The following PSMG2 variants were observed in gnomAD, a reference collection of about 807,000 sequenced individuals.
The protein encoded by PSMG2 is CD40 ligand-activated specific transcript 3.
In PSMG2, 21 loss-of-function variants were observed where a neutral mutation model predicts 31.5. The observed-to-expected ratio is 0.67, with a 90% CI of 0.47 to 0.96. The LOEUF is 0.96. Ranked by LOEUF, PSMG2 falls within the 40% of genes least tolerant of loss-of-function variation. PSMG2 has a pLI of 0.00. For missense variants in PSMG2, 318 were observed against 321.2 expected (o/e 0.99, Z 0.08); for synonymous variants, 120 against 110.4 (o/e 1.09, Z -0.54).
intron 2 of PSMG2, among the ~76,000 whole-genome samples, chr18:12,711,750 C>CT (rs34631690): frequency 0.37 from 36,510 of 97,538 alleles, 8,168 homozygotes; most frequent in East Asian, 0.48. Context: ...GCTTCTCATT[C>CT]TTTTTTTTTT....
At chr18:12,697,594 T>C (rs565890592) in intron 1 of PSMG2, among the ~76,000 whole-genome samples, 1 of 152,374 alleles carries the variant, frequency 6.6e-6, no homozygotes, top group East Asian at 1.9e-4. Context: ...TCACTAACTT[T>C]TCAGAAGACT....
chr18:12,663,913 C>T (rs1050099343), intron 1 of PSMG2, among the ~76,000 whole-genome samples: 7 of 152,132 alleles, frequency 4.6e-5, no homozygotes, highest in South Asian at 2.1e-4. Flanking sequence ...GCCTGTAATC[C>T]CAGCACTTTG....
intron 1 of PSMG2, among the ~76,000 whole-genome samples, chr18:12,694,531 G>C (rs1332894729): frequency 1.3e-5 from 2 of 152,066 alleles, no homozygotes; most frequent in Non-Finnish European, 2.9e-5. Context: ...GTGGAATTAG[G>C]GAAAAAAGCC....
intron 1 of PSMG2, among the ~76,000 whole-genome samples, chr18:12,675,077 T>TACATTTTGAG (rs113084450): frequency 0.021 from 3,115 of 151,628 alleles, 120 homozygotes; most frequent in African/African-American, 0.071. Context: ...GTATAATTCT[T>TACATTTTGAG]ATATTTTGAG....
intron 1 of PSMG2, among the ~76,000 whole-genome samples, chr18:12,692,877 C>G (rs562487485): frequency 6.6e-6 from 1 of 152,318 alleles, no homozygotes; most frequent in East Asian, 1.9e-4. Context: ...GTCTGGAGTG[C>G]TACTGCATGA....
chr18:12,691,363 G>T, intron 1 of PSMG2: 1 of 1,569,188 alleles, frequency 6.4e-7, no homozygotes, highest in Non-Finnish European at 8.6e-7. Flanking sequence ...ACAAACCTGT[G>T]CAAAAATCTT....
intron 1 of PSMG2, among the ~76,000 whole-genome samples, chr18:12,683,287 G>A (rs2039417395): frequency 6.6e-6 from 1 of 151,394 alleles, no homozygotes; most frequent in South Asian, 2.1e-4. Flanking sequence ...GGGAGGCGGA[G>A]GTTGCAGTGA....
intron 2 of PSMG2, among the ~76,000 whole-genome samples, chr18:12,707,541 G>A (rs76966669): frequency 0.01 from 1,577 of 152,288 alleles, 11 homozygotes; most frequent in Middle Eastern, 0.024. Flanking sequence ...CCACTAATAG[G>A]TGTAGGCTTT....
intron 1 of PSMG2, chr18:12,691,237 A>G (rs1343293813): frequency 9.7e-6 from 6 of 617,374 alleles, no homozygotes; most frequent in Non-Finnish European, 1.5e-5. Context: ...TCAGCATTTT[A>G]TTTTACAAAT....
intron 1 of PSMG2, chr18:12,697,104 C>T (rs931205114): frequency 4.1e-6 from 3 of 723,006 alleles, no homozygotes; most frequent in Admixed American, 3.3e-5. Context: ...GTAACTCTAA[C>T]GAAATTCTAT....
chr18:12,702,543 C>A (rs781712305), upstream of PSMG2: 5 of 1,604,158 alleles, frequency 3.1e-6, no homozygotes, highest in Admixed American at 1.7e-5. Context: ...CCGGAGGCAG[C>A]GACATGCTGG....
At chr18:12,671,642 C>CTTTTTT (rs869130220) in intron 1 of PSMG2, among the ~76,000 whole-genome samples, 154 of 55,546 alleles carry the variant, frequency 2.8e-3, no homozygotes, top group Non-Finnish European at 3.1e-3. Flanking sequence ...TTCACACTTT[C>CTTTTTT]TTTTTTTTTT....
chr18:12,662,142 G>T (rs1242914428), intron 1 of PSMG2: 4 of 448,140 alleles, frequency 8.9e-6, no homozygotes, highest in Non-Finnish European at 1.3e-5. Flanking sequence ...GACACTTCTG[G>T]ACAAGTGCTC....
At chr18:12,695,961 G>T (rs1452598748) in intron 1 of PSMG2, among the ~76,000 whole-genome samples, 1 of 151,894 alleles carries the variant, frequency 6.6e-6, no homozygotes, top group Non-Finnish European at 1.5e-5. Flanking sequence ...ATTACAGGCT[G>T]AGTAGAAATT....
At chr18:12,692,604 A>G (rs1218590115) in intron 1 of PSMG2, among the ~76,000 whole-genome samples, 4 of 152,154 alleles carry the variant, frequency 2.6e-5, no homozygotes, top group Admixed American at 6.6e-5. Context: ...TAGCCACCCA[A>G]TAACCACTGT....
chr18:12,680,666 G>A (rs770142481), intron 1 of PSMG2: 1 of 1,589,856 alleles, frequency 6.3e-7, no homozygotes, highest in South Asian at 1.1e-5. Context: ...ACTAACCTGT[G>A]TCCTGTTAAA....
At position 12,703,184 on chromosome 18, in the gene PSMG2, C is replaced by T. The variant is rs766860656; in HGVS notation, c.57+20C>T. The T allele has an allele frequency of 1.9e-6, 3 of 1,598,024 alleles. No homozygotes were observed. Among genetic ancestry groups the T allele is most frequent in the Non-Finnish European group, 2.6e-6 (3 of 1,173,074 alleles). On this transcript the variant is annotated intron_variant, in intron 1 of 6. Coordinates refer to ENST00000317615, the MANE Select transcript of PSMG2 (RefSeq NM_020232.5). Reference sequence around the variant, plus strand: ...CTAATGGTGAGTCTCCATTTGCGCTCGGGGCTGCCGCCTCCCGAGGCCCCT... The same window carrying T: ...CTAATGGTGAGTCTCCATTTGCGCTTGGGGCTGCCGCCTCCCGAGGCCCCT...
chr18:12,687,625 G>GT (rs2039589021), intron 1 of PSMG2, among the ~76,000 whole-genome samples: 1 of 151,444 alleles, frequency 6.6e-6, no homozygotes, highest in African/African-American at 2.4e-5. Flanking sequence ...GCTAATTTTT[G>GT]TATTTTTGTA....
At position 12,725,498 on chromosome 18, in the gene PSMG2, C is replaced by CT. The variant is rs1337173554; in HGVS notation, c.765dup (p.Gly256TrpfsTer12). On this transcript the variant is annotated frameshift_variant, in exon 7 of 7. Transcript: ENST00000317615. LOFTEE classifies it high-confidence loss of function. ...AAATACCAAGTTCTTGGAGATTACT[C>CT]TTTGGCAGTGGTCTTCCCCCTGCAC... The CT allele has an allele frequency of 6.2e-7, 1 of 1,605,726 alleles. No homozygotes were observed. The highest frequency in any genetic ancestry group is 8.5e-7 in the Non-Finnish European group (1 of 1,172,728).
Sources: allele counts gnomAD v4.1 joint callset (sites outside exome capture counted in the v4.1 genomes callset), GRCh38; gene constraint gnomAD v4.1.1; transcripts MANE v1.5; gene names NCBI Gene and HGNC (gene_info 2026-07-23, HGNC 2026-07-21).